FKBP14: variants seen among roughly 807,000 people sequenced by gnomAD.
FKBP14 encodes FKBP prolyl isomerase 14.
FKBP14 carries 20 observed loss-of-function variants against 21.6 expected under a neutral mutation model. The observed-to-expected ratio is 0.92, with a 90% CI of 0.65 to 1.34. The LOEUF (loss-of-function observed/expected upper bound fraction) is 1.34, where lower values mean the gene tolerates loss of function less well. Ranked by LOEUF, FKBP14 falls within the 40% of genes most tolerant of loss-of-function variation. The pLI is 0.00. For synonymous variants in FKBP14, 79 were observed against 86.7 expected (o/e 0.91, Z 0.49); for missense variants, 253 against 249.0 (o/e 1.02, Z -0.11).
chr7:30,010,250 C>A (rs1198135532), downstream of FKBP14, among the ~76,000 whole-genome samples: 2 of 152,076 alleles, frequency 1.3e-5, no homozygotes, highest in Non-Finnish European at 2.9e-5. Flanking sequence ...CACGATAAAA[C>A]CCTAAACCAA....
chr7:30,019,527 G>A lies in FKBP14; in HGVS notation c.350-404C>T, dbSNP rs548538877. Among the ~76,000 whole-genome samples, 19 of 152,020 alleles carry A rather than the reference G, an allele frequency of 1.2e-4. No individual in the cohort carries two copies. The South Asian group carries it at 3.7e-3, about 30-fold the overall frequency. ...TTAAAAGTAATAAACTAACTTTTTG[G>A]TCAGAAAGTCCTGACCTAGAAATAC... On this transcript the variant is annotated intron_variant, in intron 2 of 3. Transcript: ENST00000222803.
chr7:30,019,845 A>C (rs1166493591), intron 2 of FKBP14, among the ~76,000 whole-genome samples: 1 of 152,180 alleles, frequency 6.6e-6, no homozygotes, highest in Non-Finnish European at 1.5e-5. Flanking sequence ...GGAAGGTTTA[A>C]CAATTTCAGA....
At chr7:30,022,483 C>T in intron 2 of FKBP14, 182 bp downstream of exon 2, 1 of 522,418 alleles carries the variant, frequency 1.9e-6, no homozygotes, top group Non-Finnish European at 3.3e-6. Flanking sequence ...CCCATTTAGA[C>T]ATTACGGCCT....
At chr7:30,022,906 A>G in intron 1 of FKBP14, 90 bp from the exon 2 acceptor site, 2 of 1,209,872 alleles carry the variant, frequency 1.7e-6, no homozygotes, top group Non-Finnish European at 2.3e-6. Context: ...GGTTAAGTTT[A>G]TTAGTTTAAA....
At chr7:30,024,431 C>T (rs760066121) in intron 1 of FKBP14, among the ~76,000 whole-genome samples, 6 of 152,164 alleles carry the variant, frequency 3.9e-5, no homozygotes, top group Non-Finnish European at 8.8e-5. Context: ...AGCGGAGTCT[C>T]GCTCTGTTGC....
intron 1 of FKBP14, among the ~76,000 whole-genome samples, chr7:30,023,675 A>G (rs1049460429): frequency 6.6e-6 from 1 of 152,190 alleles, no homozygotes; most frequent in Non-Finnish European, 1.5e-5. Context: ...GCGGTTCCAC[A>G]TGGCTGGGGA....
intron 2 of FKBP14, 91 bp from the exon 3 acceptor site, chr7:30,019,214 A>G (rs1410344208): frequency 7.7e-7 from 1 of 1,306,592 alleles, no homozygotes; most frequent in Non-Finnish European, 1.0e-6. Context: ...ATTTTTTTTA[A>G]CTGAATTAAA....
chr7:30,025,479 A>G (rs920854665), intron 1 of FKBP14: 1 of 152,266 alleles, frequency 6.6e-6, no homozygotes, highest in Non-Finnish European at 1.5e-5. Flanking sequence ...AGTTTGATAG[A>G]TGGACAGACT....
Position 30,014,785 on chromosome 7 carries a change from C to G in FKBP14, c.586G>C (p.Asp196His). The G allele has an allele frequency of 6.2e-7, 1 of 1,611,480 alleles. No individual in the cohort carries two copies. The change falls in exon 4 of 4, where the codon GAT (aspartate) becomes CAT (histidine). Residue 196 changes from aspartate to histidine, a missense_variant. Physicochemically the swap from Asp to His is moderately conservative, Grantham distance 81 (BLOSUM62 -1). Transcript: ENST00000222803. The stretch of plus-strand genomic sequence containing the variant: ...AATTCTCTGGCAGATATAAACCCAT[C>G]TTTGTCTTCATCTTCTTTATCAAAA... Reference protein sequence around the residue: ...DIFDKEDEDKDGFISAREFTY... With the variant: ...DIFDKEDEDKHGFISAREFTY...
At chr7:30,015,118 T>TCC (rs1789847111) in intron 3 of FKBP14, among the ~76,000 whole-genome samples, 1 of 152,116 alleles carries the variant, frequency 6.6e-6, no homozygotes, top group Admixed American at 6.6e-5. Flanking sequence ...ACACAAAATA[T>TCC]TGCTCAAAGG....
At chr7:30,007,705 A>G (rs1275248175), downstream of FKBP14, among the ~76,000 whole-genome samples, 1 of 152,144 alleles carries the variant, frequency 6.6e-6, no homozygotes, top group Non-Finnish European at 1.5e-5. Context: ...CTGTCCCTCA[A>G]ATTCAGGTTT....
chr7:30,009,487 C>T (rs776960196), downstream of FKBP14, among the ~76,000 whole-genome samples: 1 of 152,094 alleles, frequency 6.6e-6, no homozygotes, highest in Non-Finnish European at 1.5e-5. Flanking sequence ...CCCGCCTCAG[C>T]GTCCCAAGGT....
chr7:30,006,552 C>T (rs1301994925), downstream of FKBP14, among the ~76,000 whole-genome samples: 1 of 151,742 alleles, frequency 6.6e-6, no homozygotes, highest in African/African-American at 2.4e-5. Flanking sequence ...TGCTCTTTTC[C>T]TTTTTCTGGT....
rs1405056205 is a variant in FKBP14, at chr7:30,013,241, TG to T, written c.*1493del. On this transcript the variant is annotated 3_prime_UTR_variant, in exon 4 of 4. Coordinates refer to ENST00000222803, the MANE Select transcript of FKBP14 (RefSeq NM_017946.4). ...TAGGTATTTATTCAATAGTAGCTGCTGTAGGTCTGCTTCTTTTTTTTTTTTT... is the reference window on the plus strand; with the variant it reads ...TAGGTATTTATTCAATAGTAGCTGCTTAGGTCTGCTTCTTTTTTTTTTTTT... 2 of 151,966 alleles carry T rather than the reference TG, an allele frequency of 1.3e-5. No individual in the cohort carries two copies. Among genetic ancestry groups the T allele is most frequent in the African/African-American group, 4.8e-5 (2 of 41,406 alleles). 9.4% of individuals were successfully genotyped at this position (151,966 alleles called of 1,614,324 possible).
intron 3 of FKBP14, 69 bp downstream of exon 3, chr7:30,018,927 A>T (rs1378506644): frequency 4.6e-6 from 7 of 1,529,150 alleles, no homozygotes; most frequent in Non-Finnish European, 6.2e-6. Flanking sequence ...AGTTACAAAA[A>T]CAAAACAAAA....
intron 1 of FKBP14, among the ~76,000 whole-genome samples, chr7:30,025,996 T>C (rs1790162152): frequency 6.6e-6 from 1 of 152,194 alleles, no homozygotes; most frequent in African/African-American, 2.4e-5. Flanking sequence ...GAGAATTCTT[T>C]TGGGCTTTTT....
At position 30,014,795 on chromosome 7, in the gene FKBP14, A is replaced by G. The variant is rs1334430766; in HGVS notation, c.576T>C (p.Asp192=). The G allele has an allele frequency of 5.6e-6, 9 of 1,611,496 alleles. No homozygotes were observed. The highest frequency in any genetic ancestry group is 7.6e-6 in the Non-Finnish European group (9 of 1,179,294). Residue 192 remains aspartate (D), a synonymous_variant, in exon 4 of 4, where the codon GAT becomes GAC. Transcript: ENST00000222803. ...CAGATATAAACCCATCTTTGTCTTC[A>G]TCTTCTTTATCAAAAATATCCTCCA... The part of the protein sequence containing the change: ...ALVEDIFDKE[D]EDKDGFISAR...
At position 30,019,958 on chromosome 7, in the gene FKBP14, A is replaced by C. The variant is rs573245831; in HGVS notation, c.350-835T>G. On this transcript the variant is annotated intron_variant, in intron 2 of 3. Coordinates refer to ENST00000222803, the MANE Select transcript of FKBP14 (RefSeq NM_017946.4). ...TGAATTTCTGAGAAGGGAAATTAAA[A>C]ATCTTTAAAAGTGAAAAGAGCTTTG... Among the ~76,000 whole-genome samples, 386 of 152,298 alleles carry C rather than the reference A, an allele frequency of 2.5e-3. 1 individual carries two copies. Among genetic ancestry groups the C allele is most frequent in the African/African-American group, 9.0e-3 (376 of 41,586 alleles).
chr7:30,018,014 T>C (rs1789937792), intron 3 of FKBP14, among the ~76,000 whole-genome samples: 1 of 43,410 alleles, frequency 2.3e-5, no homozygotes, highest in Admixed American at 3.1e-4. Context: ...AATAAATAAA[T>C]AAATAAATAA....
Sources: gnomAD v4.1 joint callset for allele counts (sites outside exome capture counted in the v4.1 genomes callset) on GRCh38, gnomAD v4.1.1 for gene constraint, MANE v1.5 for transcripts, NCBI Gene and HGNC (gene_info 2026-07-23, HGNC 2026-07-21) for gene names.